Variants in KIAA1614 observed in about 807,000 individuals in gnomAD.
The protein encoded by KIAA1614 is KIAA1614.
A neutral mutation model predicts 88.7 loss-of-function variants in KIAA1614; 76 were observed. The observed-to-expected ratio is 0.86, with a 90% confidence interval of 0.71 to 1.04. The LOEUF (loss-of-function observed/expected upper bound fraction) is 1.04, where lower values mean the gene tolerates loss of function less well. Ranked by LOEUF, KIAA1614 falls within the 50% of genes least tolerant of loss-of-function variation. The pLI is 0.00. For missense variants in KIAA1614, 1,553 were observed against 1,582.5 expected, an observed-to-expected ratio of 0.98 and a Z score of 0.32; for synonymous variants, 714 against 675.5, an observed-to-expected ratio of 1.06 and a Z score of -0.88.
chr1:180,938,439 G>A (rs759989773), intron 5 of KIAA1614, 116 bp from the exon 6 acceptor site: 10 of 1,181,468 alleles, frequency 8.5e-6, no homozygotes, highest in Non-Finnish European at 8.4e-6. Flanking sequence ...CTCTCCTTGA[G>A]CTCCACCTCT....
chr1:180,935,786 A>T lies in KIAA1614; in HGVS notation c.1877A>T (p.Glu626Val), dbSNP rs1654318595. 2 of 1,613,726 alleles carry T rather than the reference A, an allele frequency of 1.2e-6. No individual in the cohort carries two copies. Among genetic ancestry groups the T allele is most frequent in the African/African-American group, 2.7e-5 (2 of 74,930 alleles). The change falls in exon 5 of 9, where the codon GAG becomes GTG. Residue 626 changes from glutamate (E) to valine (V), a missense_variant. Glu to Val is a moderately radical substitution (Grantham distance 121). Transcript: ENST00000367588. The surrounding 1 kb of genome is among the most constrained non-coding windows in gnomAD (Gnocchi z 6.1). ...DNSDNCRTDS[E>V]EAGTSQAGWA... Reference sequence around the variant, plus strand: ...TCTGACAACTGCAGGACCGACAGTGAGGAGGCGGGGACCTCTCAGGCTGGC... The same window carrying T: ...TCTGACAACTGCAGGACCGACAGTGTGGAGGCGGGGACCTCTCAGGCTGGC...
intron 3 of KIAA1614, 116 bp downstream of exon 3, chr1:180,918,030 A>G (rs1382935619): frequency 2.5e-6 from 2 of 813,190 alleles, no homozygotes; most frequent in Admixed American, 4.1e-5. Flanking sequence ...AGACTCCTGC[A>G]CCAGCAGACC....
intron 4 of KIAA1614, among the ~76,000 whole-genome samples, chr1:180,930,701 T>A (rs552214403): frequency 4.7e-4 from 71 of 152,220 alleles, no homozygotes; most frequent in Non-Finnish European, 4.6e-4. Flanking sequence ...GCAGGCTGTC[T>A]CCAGGCCATA....
In KIAA1614 at chr1:180,950,366, A is replaced by G. The variant is rs2102281816; in HGVS notation, c.*4778A>G. 8.1e-7 allele frequency: 1 copy of G among 1,227,908 alleles called. No individual in the cohort carries two copies. The highest frequency in any genetic ancestry group is 1.0e-6 in the Non-Finnish European group (1 of 957,878). The allele number at this position is 1,227,908 out of a possible 1,614,324, so 76.1% of individuals were successfully genotyped here. On this transcript the variant is annotated 3_prime_UTR_variant, in exon 9 of 9. Coordinates refer to ENST00000367588, the MANE Select transcript of KIAA1614 (RefSeq NM_020950.2). ...GATCTACGTGCAGGAGATGGCTGAC[A>G]TGAGCATGGCCAAGCTGTACTCAGG... is the stretch of plus-strand genomic sequence containing the variant.
At chr1:180,933,529 A>G (rs978428021) in intron 4 of KIAA1614, among the ~76,000 whole-genome samples, 4 of 152,200 alleles carry the variant, frequency 2.6e-5, no homozygotes, top group African/African-American at 9.7e-5. Context: ...ATTGGTGGGG[A>G]GGCCACTACC....
intron 4 of KIAA1614, among the ~76,000 whole-genome samples, chr1:180,930,520 C>A (rs939021315): frequency 1.3e-5 from 2 of 152,216 alleles, no homozygotes; most frequent in Non-Finnish European, 2.9e-5. Flanking sequence ...AAGCAACTCT[C>A]CTGTTCTACT....
intron 6 of KIAA1614, among the ~76,000 whole-genome samples, chr1:180,939,960 C>T (rs1654417332): frequency 6.6e-6 from 1 of 152,238 alleles, no homozygotes; most frequent in Non-Finnish European, 1.5e-5. Flanking sequence ...GACTACTCAA[C>T]TCCAGGCGTG....
At position 180,944,505 on chromosome 1, in the gene KIAA1614, T is replaced by G; in HGVS notation, c.3276T>G (p.Ser1092Arg). The G allele has an allele frequency of 8.1e-6, 13 of 1,613,536 alleles. No individual in the cohort carries two copies. Among genetic ancestry groups the G allele is most frequent in the Non-Finnish European group, 1.1e-5 (13 of 1,179,718 alleles). Residue 1092 changes from serine to arginine, a missense_variant, in exon 8 of 9, where the codon AGT (serine) becomes AGG (arginine). Transcript: ENST00000367588. ...LYLVAGPGDH[S>R]AAGRPAKTSP... The stretch of plus-strand genomic sequence containing the variant: ...TGGTAGCAGGGCCAGGGGACCACAG[T>G]GCAGCTGGCAGGTATGAGGGGCACA...
At chr1:180,941,828 G>A (rs1038801414) in intron 7 of KIAA1614, among the ~76,000 whole-genome samples, 1 of 152,176 alleles carries the variant, frequency 6.6e-6, no homozygotes, top group Admixed American at 6.5e-5. Flanking sequence ...GAGTTTCTGG[G>A]ATCTGTCTGC....
chr1:180,927,348 A>G lies in KIAA1614; in HGVS notation c.1062-1082A>G, dbSNP rs1311344393. Reference sequence around the variant, plus strand: ...AAGAGCGCATCTGCCCCCAGCCACAAACATCCTCTGCCTGCCCTGAGACCC... The same window carrying G: ...AAGAGCGCATCTGCCCCCAGCCACAGACATCCTCTGCCTGCCCTGAGACCC... On this transcript the variant is annotated intron_variant, in intron 3 of 8. Coordinates refer to ENST00000367588, the MANE Select transcript of KIAA1614 (RefSeq NM_020950.2). Among the ~76,000 whole-genome samples the G allele has an allele frequency of 2.0e-5, 3 of 152,198 alleles. No individual in the cohort carries two copies. The East Asian group carries it at 5.8e-4, about 29-fold the overall frequency.
chr1:180,938,721 A>G lies in KIAA1614; in HGVS notation c.2918+10A>G. ...GACATGTGCTGTCAAGGTGAGTGAC[A>G]GGAGAAAGAGCCAGATTGCAGAAGG... On this transcript the variant is annotated intron_variant, in intron 6 of 8. Coordinates refer to ENST00000367588, the MANE Select transcript of KIAA1614 (RefSeq NM_020950.2). 1 of 1,612,838 alleles carries G rather than the reference A, an allele frequency of 6.2e-7. No homozygotes were observed. Among genetic ancestry groups the G allele is most frequent in the Non-Finnish European group, 8.5e-7 (1 of 1,179,198 alleles).
At position 180,916,448 on chromosome 1, in the gene KIAA1614, A is replaced by G. The variant is rs1282102089; in HGVS notation, c.345A>G (p.Lys115=). 6.2e-7 allele frequency: 1 copy of G among 1,613,850 alleles called. No homozygotes were observed. Among genetic ancestry groups the G allele is most frequent in the Non-Finnish European group, 8.5e-7 (1 of 1,179,986 alleles). The change falls in exon 2 of 9, where the codon AAA becomes AAG. Residue 115 remains lysine (K), a synonymous_variant. Coordinates refer to ENST00000367588, the MANE Select transcript of KIAA1614 (RefSeq NM_020950.2). ...CCCAAGAGTGGTCATCCCCCAAGAA[A>G]CCCCAATGCAGACGAGGCAAGGCAG... ...SASQEWSSPK[K]PQCRRGKAGR... is the part of the protein sequence containing the mutation.
chr1:180,933,851 G>T (rs1477213239), intron 4 of KIAA1614, among the ~76,000 whole-genome samples: 1 of 152,238 alleles, frequency 6.6e-6, no homozygotes, highest in Non-Finnish European at 1.5e-5. Context: ...GGTTGGAACA[G>T]TCAAGACTCA....
At position 180,945,320 on chromosome 1, in the gene KIAA1614, C is replaced by T; in HGVS notation, c.3305C>T (p.Pro1102Leu). Residue 1102 changes from proline (P) to leucine (L), a missense_variant, in exon 9 of 9, where the codon CCA (proline) becomes CTA (leucine). Physicochemically the swap from Pro to Leu is moderately conservative, Grantham distance 98. Transcript: ENST00000367588. Reference sequence around the variant, plus strand: ...CCTCGCAGGCCGGCCAAGACTTCACCACGGCGTGCCCTCAGTGTGGAGGAC... The same window carrying T: ...CCTCGCAGGCCGGCCAAGACTTCACTACGGCGTGCCCTCAGTGTGGAGGAC... ...SAAGRPAKTSPRRALSVEDVG... is the reference protein window; with the variant it reads ...SAAGRPAKTSLRRALSVEDVG... The T allele has an allele frequency of 1.3e-6, 2 of 1,585,188 alleles. No individual in the cohort carries two copies. Among genetic ancestry groups the T allele is most frequent in the Non-Finnish European group, 1.7e-6 (2 of 1,172,404 alleles).
rs373196575 is a variant in KIAA1614 at position 180,938,589 on chromosome 1, T to C, written c.2796T>C (p.Val932=). 80 of 1,614,026 alleles carry C rather than the reference T, an allele frequency of 5.0e-5. No homozygotes were observed. In the East Asian group the frequency reaches 8.0e-4, roughly 16 times the overall value. ...AGGGCTTTCTTGGCTCAGCAGATGT[T>C]GCCACCATCAACTCCACGGGCATCA... is the stretch of plus-strand genomic sequence containing the variant. ...GPQGFLGSAD[V]ATINSTGITL... The change falls in exon 6 of 9, where the codon GTT becomes GTC. Residue 932 remains valine, a synonymous_variant. Transcript: ENST00000367588.
At chr1:180,937,916 C>T (rs1654368880) in intron 5 of KIAA1614, among the ~76,000 whole-genome samples, 1 of 152,216 alleles carries the variant, frequency 6.6e-6, no homozygotes, top group African/African-American at 2.4e-5. Context: ...CTCTGGGCAA[C>T]GTGAGCCTTT....
intron 3 of KIAA1614, among the ~76,000 whole-genome samples, chr1:180,926,702 C>CAG (rs1558067067): frequency 6.6e-6 from 1 of 152,228 alleles, no homozygotes; most frequent in Non-Finnish European, 1.5e-5. Context: ...GGCTGGCAGC[C>CAG]AGAGGCCCAC....
Position 180,916,678 on chromosome 1 carries a change from G to A in KIAA1614, c.575G>A (p.Trp192Ter). 1 of 1,604,906 alleles carries A rather than the reference G, an allele frequency of 6.2e-7. No homozygotes were observed. Among genetic ancestry groups the A allele is most frequent in the Non-Finnish European group, 8.5e-7 (1 of 1,174,362 alleles). Residue 192 changes from tryptophan (W) to a stop codon, truncating the protein, a stop_gained, in exon 2 of 9, where the codon TGG becomes TAG. Coordinates refer to ENST00000367588, the MANE Select transcript of KIAA1614 (RefSeq NM_020950.2). LOFTEE classifies it high-confidence loss of function. The stretch of plus-strand genomic sequence containing the variant: ...AGCCCGTGGCCTCCAGAAGCCGAAT[G>A]GACACTTCCTGACCATGACAGAGGT... ...RGSPWPPEAE[W>*]TLPDHDRGPL...
intron 3 of KIAA1614, among the ~76,000 whole-genome samples, chr1:180,927,479 A>C (rs1451434314): frequency 1.3e-5 from 2 of 152,212 alleles, no homozygotes; most frequent in Admixed American, 1.3e-4. Context: ...ACAATGTGCC[A>C]GCGTTCTTCT....
Sources: allele counts gnomAD v4.1 joint callset (sites outside exome capture counted in the v4.1 genomes callset), GRCh38; gene constraint gnomAD v4.1.1; non-coding constraint Gnocchi (gnomAD v3.1); transcripts MANE v1.5; gene names NCBI Gene and HGNC (gene_info 2026-07-23, HGNC 2026-07-21).